The following AK9 variants were observed in gnomAD, a reference collection of about 807,000 sequenced individuals.
The protein encoded by AK9 is adenylate kinase 9, also known as adenylate kinase domain containing 1.
AK9 carries 191 observed loss-of-function variants against 239.6 expected under a neutral mutation model. That is an observed-to-expected ratio of 0.80 (90% confidence interval 0.71 to 0.90). The LOEUF (loss-of-function observed/expected upper bound fraction) is 0.90. Among genes scored for constraint, AK9 ranks in the 40% least tolerant of loss-of-function variants. The probability of loss-of-function intolerance (pLI) is 0.00; values close to 1 mark genes in which losing one functional copy is unlikely to be tolerated. For missense variants in AK9, 1,995 were observed against 2,214.7 expected (o/e 0.90, Z 1.99); for synonymous variants, 689 against 721.0 (o/e 0.96, Z 0.71).
intron 29 of AK9, among the ~76,000 whole-genome samples, chr6:109,520,883 G>A (rs942471737): frequency 6.6e-6 from 1 of 151,992 alleles, no homozygotes; most frequent in African/African-American, 2.4e-5. Context: ...AAATGGGATT[G>A]CATTCTTGAT....
intron 29 of AK9, 47 bp from the exon 30 acceptor site, chr6:109,516,689 C>T: frequency 7.0e-7 from 1 of 1,421,458 alleles, no homozygotes; most frequent in Non-Finnish European, 9.6e-7. Context: ...AAATATGTAA[C>T]AAAAGACACT....
chr6:109,691,109 C>A, intron 1 of AK9, 38 bp downstream of exon 1: 1 of 488,708 alleles, frequency 2.0e-6, no homozygotes. Context: ...ATTAATCCGT[C>A]GACTTTTTCT....
intron 1 of AK9, among the ~76,000 whole-genome samples, chr6:109,688,466 T>G (rs1255427511): frequency 6.6e-6 from 1 of 152,228 alleles, no homozygotes; most frequent in African/African-American, 2.4e-5. Flanking sequence ...AGGACCCTTT[T>G]TACAATACCA....
At position 109,550,303 on chromosome 6, in the gene AK9, C is replaced by A; in HGVS notation, c.2752-1G>T. The A allele has an allele frequency of 1.9e-6, 3 of 1,602,868 alleles. No individual in the cohort carries two copies. Among genetic ancestry groups the A allele is most frequent in the Non-Finnish European group, 1.7e-6 (2 of 1,178,198 alleles). The stretch of plus-strand genomic sequence containing the variant: ...TTCTCTCCTTCATTTTATCTTCACC[C>A]TAGAAACGGTATTCAAAGTTTGGAG... On this transcript the variant is annotated splice_acceptor_variant, in intron 24 of 40. Coordinates refer to ENST00000424296, the MANE Select transcript of AK9 (RefSeq NM_001145128.3). LOFTEE classifies it high-confidence loss of function.
chr6:109,515,744 C>T (rs1321582748), intron 31 of AK9, 113 bp downstream of exon 31: 1 of 969,246 alleles, frequency 1.0e-6, no homozygotes, highest in Non-Finnish European at 1.5e-6. Flanking sequence ...GATGAGACTA[C>T]TACACAATAC....
intron 25 of AK9, chr6:109,549,657 A>ATTTTTTTTTTTTTTTTTT (rs1491473032): frequency 3.3e-5 from 4 of 122,352 alleles, no homozygotes; most frequent in African/African-American, 5.4e-5. Context: ...TTGAACTTAG[A>ATTTTTTTTTTTTTTTTTT]TATTTTCTTT....
intron 17 of AK9, among the ~76,000 whole-genome samples, chr6:109,599,434 GT>G (rs1791582972): frequency 6.6e-6 from 1 of 152,106 alleles, no homozygotes; most frequent in Non-Finnish European, 1.5e-5. Context: ...ATTGGTCTAT[GT>G]ATCTGTTTGG....
chr6:109,663,728 T>C lies in AK9; in HGVS notation c.332-1065A>G, dbSNP rs566018531. On this transcript the variant is annotated intron_variant, in intron 5 of 40. Transcript: ENST00000424296. ...AAAAATTAGGCATGGGTTACAGGCT[T>C]ATTCCAAGTGCAAGACAGACCAATG... is the stretch of plus-strand genomic sequence containing the variant. Among the ~76,000 whole-genome samples, 3 of 152,328 alleles carry C rather than the reference T, an allele frequency of 2.0e-5. No homozygotes were observed. In the South Asian group the frequency reaches 6.2e-4, roughly 32 times the overall value.
chr6:109,564,338 C>T, intron 22 of AK9, 58 bp from the exon 23 acceptor site: 1 of 1,377,590 alleles, frequency 7.3e-7, no homozygotes, highest in South Asian at 1.4e-5. Flanking sequence ...TATCTTTAGC[C>T]ATATTGCCAA....
chr6:109,656,762 A>G lies in AK9; in HGVS notation c.753T>C (p.Thr251=), dbSNP rs1799750143. Residue 251 remains threonine, a synonymous_variant, in exon 8 of 41, where the codon ACT becomes ACC. Transcript: ENST00000424296. The stretch of plus-strand genomic sequence containing the variant: ...CAATATATTTTGTTCTTACTTCTAA[A>G]GTTTGGAGAATTGTTTCCTTATAAA... The part of the protein sequence containing the change: ...VKLYKETILQ[T]LEEVMAEHNP... 6.3e-7 allele frequency: 1 copy of G among 1,588,376 alleles called. No individual in the cohort carries two copies. The highest frequency in any genetic ancestry group is 1.4e-5 in the African/African-American group (1 of 73,858).
At chr6:109,575,942 G>GT (rs1788015311) in intron 20 of AK9, among the ~76,000 whole-genome samples, 2 of 151,548 alleles carry the variant, frequency 1.3e-5, no homozygotes, top group Admixed American at 6.6e-5. Flanking sequence ...TTTATGTTTT[G>GT]TTTGTTTGTT....
chr6:109,629,725 C>T (rs1004121381), intron 12 of AK9, among the ~76,000 whole-genome samples: 4 of 151,996 alleles, frequency 2.6e-5, no homozygotes, highest in Middle Eastern at 3.4e-3. Flanking sequence ...CTCCGCCTCC[C>T]GGGTTCACGC....
chr6:109,682,560 A>G (rs1772836607), intron 1 of AK9, among the ~76,000 whole-genome samples: 1 of 152,152 alleles, frequency 6.6e-6, no homozygotes, highest in African/African-American at 2.4e-5. Context: ...AAAATGATAT[A>G]GGGGATATCA....
At chr6:109,547,733 G>GA (rs1278605832) in intron 25 of AK9, among the ~76,000 whole-genome samples, 1 of 147,796 alleles carries the variant, frequency 6.8e-6, no homozygotes, top group Non-Finnish European at 1.5e-5. Flanking sequence ...GTATCACAAA[G>GA]AAAATAACAT....
At chr6:109,620,677 T>C (rs1164436289) in intron 12 of AK9, among the ~76,000 whole-genome samples, 2 of 152,032 alleles carry the variant, frequency 1.3e-5, no homozygotes, top group Non-Finnish European at 2.9e-5. Flanking sequence ...ACATCTTCAG[T>C]TTTTAGTACA....
intron 27 of AK9, among the ~76,000 whole-genome samples, chr6:109,541,024 C>T (rs1340739568): frequency 6.6e-6 from 1 of 152,200 alleles, no homozygotes; most frequent in African/African-American, 2.4e-5. Context: ...CTTTGGCCCT[C>T]TCCCCTGGCT....
In AK9 at chr6:109,497,859, C is replaced by T. The variant is rs778290881; in HGVS notation, c.5153G>A (p.Arg1718Gln). The T allele has an allele frequency of 3.0e-5, 48 of 1,613,970 alleles. No homozygotes were observed. The highest frequency in any genetic ancestry group is 4.0e-5 in the African/African-American group (3 of 75,010). The part of the protein sequence containing the change: ...KRLTLSELKS[R>Q]FPKCAELQGY... ...CTGGAGCTCCGCACACTTAGGGAAT[C>T]GACTCTTCAGCTCTGACAGTGTCAG... The change falls in exon 37 of 41, where the codon CGA (arginine) becomes CAA (glutamine). Residue 1718 changes from arginine (R) to glutamine (Q), a missense_variant. Arg to Gln is a conservative substitution (Grantham distance 43). Around this residue, in one of 5 missense-constraint regions of AK9, gnomAD observed 391 missense variants for 456.0 expected, o/e 0.86. Coordinates refer to ENST00000424296, the MANE Select transcript of AK9 (RefSeq NM_001145128.3).
At chr6:109,686,239 T>C (rs937545234) in intron 1 of AK9, among the ~76,000 whole-genome samples, 13 of 152,190 alleles carry the variant, frequency 8.5e-5, no homozygotes, top group African/African-American at 2.9e-4. Context: ...CCGGATCCCC[T>C]TATAAAGACA....
chr6:109,564,877 A>G (rs1474763111), intron 21 of AK9, 32 bp from the exon 22 acceptor site: 8 of 1,451,828 alleles, frequency 5.5e-6, no homozygotes, highest in Non-Finnish European at 7.4e-6. Flanking sequence ...TTAGTGTTTA[A>G]ATTTGAAAAC....
Sources: gnomAD v4.1 joint callset for allele counts (sites outside exome capture counted in the v4.1 genomes callset) on GRCh38, gnomAD v4.1.1 for gene constraint, gnomAD v4.1.1 regional missense constraint, MANE v1.5 for transcripts, NCBI Gene and HGNC (gene_info 2026-07-23, HGNC 2026-07-21) for gene names.